The following TSPAN18 variants were observed in gnomAD, a reference collection of about 807,000 sequenced individuals.
TSPAN18 encodes tetraspanin-18.
TSPAN18 carries 14 observed loss-of-function variants against 27.3 expected under a neutral mutation model. That is an observed-to-expected ratio of 0.51 (90% confidence interval 0.34 to 0.80). The LOEUF is 0.80. TSPAN18 is among the 30% of genes least tolerant of loss of function. TSPAN18 has a pLI of 0.01. For missense variants in TSPAN18, 268 were observed against 323.9 expected, an observed-to-expected ratio of 0.83 and a Z score of 1.32; for synonymous variants, 143 against 136.5, an observed-to-expected ratio of 1.05 and a Z score of -0.33.
In TSPAN18 at chr11:44,891,083, A is replaced by T. The variant is rs185619805; in HGVS notation, c.-10-15324A>T. 1.3e-3 allele frequency among the ~76,000 whole-genome samples: 193 copies of T among 152,254 alleles called. 1 individual carries two copies. The highest frequency in any genetic ancestry group is 4.4e-3 in the African/African-American group (182 of 41,532). On this transcript the variant is annotated intron_variant, in intron 3 of 9. Transcript: ENST00000520358. Reference sequence around the variant, plus strand: ...CTACTTGAGAGGCTGGGGTGGGAGGATTCCTTGAGTCCAGAAGTTGGAGGC... The same window carrying T: ...CTACTTGAGAGGCTGGGGTGGGAGGTTTCCTTGAGTCCAGAAGTTGGAGGC...
chr11:44,916,861 G>A (rs4505054), intron 5 of TSPAN18, among the ~76,000 whole-genome samples: 2,602 of 152,328 alleles, frequency 0.017, 102 homozygotes, highest in African/African-American at 0.06. Context: ...TCTGCTGGTG[G>A]TTTCCAGATA....
At chr11:44,828,628 T>C (rs966399980) in intron 2 of TSPAN18, among the ~76,000 whole-genome samples, 1 of 152,158 alleles carries the variant, frequency 6.6e-6, no homozygotes, top group African/African-American at 2.4e-5. Flanking sequence ...TAGACCTCTT[T>C]CCTACACTCC....
chr11:44,782,841 C>CT (rs953900619), intron 2 of TSPAN18, among the ~76,000 whole-genome samples: 20 of 151,994 alleles, frequency 1.3e-4, no homozygotes, highest in African/African-American at 2.7e-4. Flanking sequence ...GTCATTTGCT[C>CT]TTTTTTTTAG....
At chr11:44,765,412 A>T (rs758389352) in intron 2 of TSPAN18, among the ~76,000 whole-genome samples, 4 of 152,182 alleles carry the variant, frequency 2.6e-5, no homozygotes, top group Non-Finnish European at 5.9e-5. Flanking sequence ...CCTTGGTGGT[A>T]AATCACAGGG....
At chr11:44,731,211 G>A (rs4408302) in intron 1 of TSPAN18, among the ~76,000 whole-genome samples, 19,517 of 152,192 alleles carry the variant, frequency 0.13, 2,518 homozygotes, top group East Asian at 0.69. Context: ...TGTTACAGAT[G>A]GAGCGATGTG....
At chr11:44,779,515 G>A (rs1185871562) in intron 2 of TSPAN18, among the ~76,000 whole-genome samples, 1 of 152,128 alleles carries the variant, frequency 6.6e-6, no homozygotes. Flanking sequence ...TTAGAGTTGT[G>A]GGTGAAATTC....
At chr11:44,798,110 G>A (rs570760453) in intron 2 of TSPAN18, among the ~76,000 whole-genome samples, 80 of 152,174 alleles carry the variant, frequency 5.3e-4, no homozygotes, top group Non-Finnish European at 1.0e-3. Context: ...TCCCTCCTGT[G>A]TGCTCAGTGG....
chr11:44,828,731 A>G (rs1420831832), intron 2 of TSPAN18, among the ~76,000 whole-genome samples: 1 of 152,186 alleles, frequency 6.6e-6, no homozygotes, highest in Non-Finnish European at 1.5e-5. Flanking sequence ...GCCCAGCTGC[A>G]GTGAATGGAG....
intron 2 of TSPAN18, among the ~76,000 whole-genome samples, chr11:44,785,968 A>T (rs986893209): frequency 6.6e-6 from 1 of 152,244 alleles, no homozygotes; most frequent in Non-Finnish European, 1.5e-5. Context: ...TACAAGGTGG[A>T]TACGGCAGTC....
chr11:44,919,757 T>A, intron 7 of TSPAN18, 60 bp from the exon 8 acceptor site: 1 of 1,546,954 alleles, frequency 6.5e-7, no homozygotes, highest in Non-Finnish European at 8.9e-7. Context: ...TGTCCTTCTC[T>A]GTCCCCGCCC....
At chr11:44,745,487 A>T (rs868340878) in intron 1 of TSPAN18, among the ~76,000 whole-genome samples, 1 of 152,240 alleles carries the variant, frequency 6.6e-6, no homozygotes, top group African/African-American at 2.4e-5. Context: ...TTCTACTTAT[A>T]TAAAGTTCAA....
At chr11:44,813,699 C>G (rs536789603) in intron 2 of TSPAN18, among the ~76,000 whole-genome samples, 19 of 152,306 alleles carry the variant, frequency 1.2e-4, no homozygotes, top group African/African-American at 4.3e-4. Context: ...AGGGTCCCAG[C>G]TGCATGCATG....
At chr11:44,846,134 C>T (rs543099019) in intron 2 of TSPAN18, among the ~76,000 whole-genome samples, 19 of 152,296 alleles carry the variant, frequency 1.2e-4, no homozygotes, top group South Asian at 8.3e-4. Flanking sequence ...GCCCTATGAG[C>T]GGTGGGTCTC....
chr11:44,908,772 A>AAAGG (rs1859568423), intron 4 of TSPAN18, among the ~76,000 whole-genome samples: 1 of 101,238 alleles, frequency 9.9e-6, no homozygotes, highest in Non-Finnish European at 2.0e-5. Flanking sequence ...GAGAAAGGAG[A>AAAGG]AAGAAAGAAA....
At chr11:44,769,326 C>T (rs1855637853) in intron 2 of TSPAN18, among the ~76,000 whole-genome samples, 1 of 152,150 alleles carries the variant, frequency 6.6e-6, no homozygotes, top group African/African-American at 2.4e-5. Context: ...TTTGCATTTA[C>T]ATTCATGAGA....
chr11:44,822,136 G>A (rs1358074604), intron 2 of TSPAN18, among the ~76,000 whole-genome samples: 1 of 152,174 alleles, frequency 6.6e-6, no homozygotes, highest in African/African-American at 2.4e-5. Flanking sequence ...GAGAACTTCT[G>A]TGTGTTGATG....
At chr11:44,917,632 G>T in intron 5 of TSPAN18, 1 of 210,446 alleles carries the variant, frequency 4.8e-6, no homozygotes, top group South Asian at 1.4e-4. Flanking sequence ...AATTTACCCA[G>T]AGTGGGCTCA....
rs1477219808 is a variant in TSPAN18 at position 44,912,760 on chromosome 11, CGTGCATGGGTGTTGTAT to C, written c.258+2875_258+2891del. On this transcript the variant is annotated intron_variant, in intron 5 of 9. Transcript: ENST00000520358. ...GTGCATTGCTTTGTGCATATGTACACGTGCATGGGTGTTGTATGTGCATGGGTGTTATGCATGCATGG... is the reference window on the plus strand; with the variant it reads ...GTGCATTGCTTTGTGCATATGTACACGTGCATGGGTGTTATGCATGCATGG... Among the ~76,000 whole-genome samples, 4 of 151,950 alleles carry C rather than the reference CGTGCATGGGTGTTGTAT, an allele frequency of 2.6e-5. 1 individual carries two copies. Among genetic ancestry groups the C allele is most frequent in the African/African-American group, 9.7e-5 (4 of 41,364 alleles).
chr11:44,781,549 A>G (rs908017197), intron 2 of TSPAN18, among the ~76,000 whole-genome samples: 1 of 152,114 alleles, frequency 6.6e-6, no homozygotes, highest in Non-Finnish European at 1.5e-5. Context: ...ATGATGGATA[A>G]CTGGAATCTT....
Sources: gnomAD v4.1 joint callset for allele counts (sites outside exome capture counted in the v4.1 genomes callset) on GRCh38, gnomAD v4.1.1 for gene constraint, MANE v1.5 for transcripts, NCBI Gene and HGNC (gene_info 2026-07-23, HGNC 2026-07-21) for gene names.